XKR4: variants seen among roughly 807,000 people sequenced by gnomAD.
The protein encoded by XKR4 is XK-related protein 4.
XKR4 carries 12 observed loss-of-function variants against 53.9 expected under a neutral mutation model. The ratio of observed to expected loss-of-function variants is 0.22; its 90% CI spans 0.14 to 0.36. The LOEUF (loss-of-function observed/expected upper bound fraction) is 0.36. Among genes scored for constraint, XKR4 ranks in the 10% least tolerant of loss-of-function variants. The pLI is 1.00. For synonymous variants in XKR4, 354 were observed against 362.4 expected (o/e 0.98, Z 0.26); for missense variants, 799 against 859.5 (o/e 0.93, Z 0.88).
chr8:55,398,179 C>T (rs947383909), intron 2 of XKR4, among the ~76,000 whole-genome samples: 2 of 152,116 alleles, frequency 1.3e-5, no homozygotes, highest in African/African-American at 4.8e-5. Context: ...CCCTCTATCT[C>T]CAAAAGGGCT....
intron 1 of XKR4, among the ~76,000 whole-genome samples, chr8:55,126,010 T>A (rs965421508): frequency 1.2e-4 from 18 of 152,176 alleles, no homozygotes; most frequent in Non-Finnish European, 2.1e-4. Flanking sequence ...TCCTTTTTTT[T>A]ATGAGCAGTT....
intron 1 of XKR4, 48 bp downstream of exon 1, chr8:55,103,342 T>TGTAGTAG (rs1816086371): frequency 1.9e-6 from 3 of 1,539,782 alleles, no homozygotes; most frequent in Non-Finnish European, 2.6e-6. Context: ...TGCTACTACA[T>TGTAGTAG]CCCCACTGCT....
chr8:55,424,085 A>C (rs1804974362), intron 2 of XKR4, among the ~76,000 whole-genome samples: 1 of 152,212 alleles, frequency 6.6e-6, no homozygotes, highest in Non-Finnish European at 1.5e-5. Context: ...GTAGGAGCAC[A>C]TGCAACTGAC....
intron 1 of XKR4, among the ~76,000 whole-genome samples, chr8:55,316,313 T>C (rs537194395): frequency 6.6e-6 from 1 of 152,258 alleles, no homozygotes; most frequent in Admixed American, 6.5e-5. Context: ...AATAGGACAG[T>C]CACATCCGAT....
chr8:55,511,005 T>C (rs1806616950), intron 2 of XKR4, among the ~76,000 whole-genome samples: 1 of 152,174 alleles, frequency 6.6e-6, no homozygotes, highest in Non-Finnish European at 1.5e-5. Context: ...TATTGAGTTG[T>C]TTTTTGTAAA....
intron 1 of XKR4, among the ~76,000 whole-genome samples, chr8:55,237,284 C>T (rs1818145125): frequency 6.6e-6 from 1 of 152,164 alleles, no homozygotes; most frequent in Admixed American, 6.5e-5. Flanking sequence ...GTATCATTTG[C>T]CTCCCCAAAA....
intron 2 of XKR4, among the ~76,000 whole-genome samples, chr8:55,382,918 C>T (rs1281476030): frequency 6.6e-6 from 1 of 152,114 alleles, no homozygotes; most frequent in Admixed American, 6.5e-5. Context: ...TGAATGAACA[C>T]ATGTTCAAAC....
At chr8:55,219,238 T>C (rs1294033093) in intron 1 of XKR4, among the ~76,000 whole-genome samples, 1 of 152,114 alleles carries the variant, frequency 6.6e-6, no homozygotes, top group African/African-American at 2.4e-5. Context: ...AAGTAGTAAA[T>C]GAAAGCTGAT....
chr8:55,344,169 T>C (rs2129382558), intron 1 of XKR4, among the ~76,000 whole-genome samples: 1 of 152,292 alleles, frequency 6.6e-6, no homozygotes, highest in East Asian at 1.9e-4. Context: ...GGCTGCCCAA[T>C]GGATGTGACG....
chr8:55,206,046 G>C (rs1407403634), intron 1 of XKR4, among the ~76,000 whole-genome samples: 1 of 152,180 alleles, frequency 6.6e-6, no homozygotes, highest in African/African-American at 2.4e-5. Flanking sequence ...TCCTACCGGT[G>C]GGTTCGTAGT....
intron 1 of XKR4, among the ~76,000 whole-genome samples, chr8:55,193,763 C>A (rs1468988345): frequency 6.6e-6 from 1 of 152,242 alleles, no homozygotes; most frequent in East Asian, 1.9e-4. Context: ...CTCAGGTCCC[C>A]AGATCCCCTG....
At chr8:55,203,524 T>C (rs889386196) in intron 1 of XKR4, among the ~76,000 whole-genome samples, 1 of 152,190 alleles carries the variant, frequency 6.6e-6, no homozygotes, top group East Asian at 1.9e-4. Flanking sequence ...TGATGTAAGA[T>C]AGGCTTGGTA....
chr8:55,191,272 A>G (rs1817441446), intron 1 of XKR4, among the ~76,000 whole-genome samples: 1 of 152,054 alleles, frequency 6.6e-6, no homozygotes, highest in Non-Finnish European at 1.5e-5. Context: ...CTCCTCCCAA[A>G]TCGTGCAACC....
At chr8:55,214,513 C>G (rs534042372) in intron 1 of XKR4, among the ~76,000 whole-genome samples, 3 of 152,292 alleles carry the variant, frequency 2.0e-5, no homozygotes, top group East Asian at 3.9e-4. Flanking sequence ...TCCTGAATGT[C>G]CAGCTATCAC....
chr8:55,121,025 A>G (rs1242868890), intron 1 of XKR4, among the ~76,000 whole-genome samples: 1 of 152,172 alleles, frequency 6.6e-6, no homozygotes, highest in African/African-American at 2.4e-5. Context: ...GGATTCCTCC[A>G]TATCTTTTAT....
At chr8:55,499,361 T>G (rs10504192) in intron 2 of XKR4, among the ~76,000 whole-genome samples, 6,191 of 152,258 alleles carry the variant, frequency 0.041, 524 homozygotes, top group East Asian at 0.28. Context: ...CTCAATACTA[T>G]TTATCCCACT....
chr8:55,103,851 GTATATATATATATATATATATATATATA>G (rs60831330), intron 1 of XKR4, among the ~76,000 whole-genome samples: 8 of 106,020 alleles, frequency 7.5e-5, no homozygotes, highest in Non-Finnish European at 1.3e-4. Flanking sequence ...AAATGACTTT[GTATATATATATATATATATATATATATA>G]TATATATATA....
intron 1 of XKR4, among the ~76,000 whole-genome samples, chr8:55,159,195 T>C (rs1816949972): frequency 6.6e-6 from 1 of 152,186 alleles, no homozygotes; most frequent in African/African-American, 2.4e-5. Flanking sequence ...TGTAGAGATA[T>C]TTCACCACCC....
chr8:55,486,567 A>T (rs1806193927), intron 2 of XKR4, among the ~76,000 whole-genome samples: 1 of 152,246 alleles, frequency 6.6e-6, no homozygotes, highest in Non-Finnish European at 1.5e-5. Flanking sequence ...AGTTGGCATT[A>T]TGTGTGAAGG....
Sources: allele counts gnomAD v4.1 joint callset (sites outside exome capture counted in the v4.1 genomes callset), GRCh38; gene constraint gnomAD v4.1.1; transcripts MANE v1.5; gene names NCBI Gene and HGNC (gene_info 2026-07-23, HGNC 2026-07-21).